KIR3DL3: variants seen among roughly 807,000 people sequenced by gnomAD.
KIR3DL3 encodes the protein killer cell immunoglobulin-like receptor 3DL3.
In KIR3DL3, 27 loss-of-function variants were observed where a neutral mutation model predicts 34.9. The observed-to-expected ratio is 0.77, with a 90% CI of 0.57 to 1.07. The LOEUF is 1.07. KIR3DL3 is among the 50% of genes least tolerant of loss of function. The probability of loss-of-function intolerance (pLI) is 0.00; values close to 1 mark genes in which losing one functional copy is unlikely to be tolerated. For missense variants in KIR3DL3, 681 were observed against 528.5 expected, an observed-to-expected ratio of 1.29 and a Z score of -2.83; for synonymous variants, 217 against 200.2, an observed-to-expected ratio of 1.08 and a Z score of -0.71.
intron 5 of KIR3DL3, among the ~76,000 whole-genome samples, chr19:54,734,212 G>T (rs376627443): frequency 6.6e-6 from 1 of 151,308 alleles, no homozygotes; most frequent in South Asian, 2.1e-4. Flanking sequence ...AAGCACATTC[G>T]CTGTGTATCA....
At chr19:54,733,579 G>C (rs996569308) in intron 5 of KIR3DL3, among the ~76,000 whole-genome samples, 1 of 151,996 alleles carries the variant, frequency 6.6e-6, no homozygotes, top group Non-Finnish European at 1.5e-5. Context: ...AAAGGCAACT[G>C]GATACCAACC....
At position 54,726,132 on chromosome 19, in the gene KIR3DL3, C is replaced by T; in HGVS notation, c.150C>T (p.Arg50=). Reference sequence around the variant, plus strand: ...GACAACATGTGACTCTTCAGTGTCGCTCTCGTCTTGGGTTTAATGAATTCA... The same window carrying T: ...GACAACATGTGACTCTTCAGTGTCGTTCTCGTCTTGGGTTTAATGAATTCA... ...SEGQHVTLQC[R]SRLGFNEFSL... is the part of the protein sequence containing the mutation. The change falls in exon 3 of 8, where the codon CGC becomes CGT. Residue 50 remains arginine, a synonymous_variant. Transcript: ENST00000291860. The T allele has an allele frequency of 1.9e-6, 3 of 1,613,356 alleles. No homozygotes were observed. The highest frequency in any genetic ancestry group is 1.1e-5 in the South Asian group (1 of 91,034).
rs1000235612 is a variant in KIR3DL3 at position 54,725,272 on chromosome 19, G to A, written c.60G>A (p.Trp20Ter). ...CVGFFLLEGP[W>*]PHVGGQDKPF... ...GGTTCTTCTTGCTGGAGGGGCCCTG[G>A]CCACATGTGGGTGAGTCCTTCCCCC... Residue 20 changes from tryptophan to a stop codon, truncating the protein, a stop_gained, in exon 2 of 8, where the codon TGG (tryptophan) becomes TGA (stop). Transcript: ENST00000291860. LOFTEE classifies it high-confidence loss of function. The A allele has an allele frequency of 3.8e-6, 6 of 1,592,362 alleles. No homozygotes were observed. In the African/African-American group the frequency reaches 4.0e-5, roughly 11 times the overall value.
At chr19:54,725,304 T>C (rs748319737) in intron 2 of KIR3DL3, 22 bp downstream of exon 2, 12 of 1,546,594 alleles carry the variant, frequency 7.8e-6, no homozygotes, top group Admixed American at 1.9e-5. Flanking sequence ...CCCCAAACCT[T>C]AGGTTGTCAT....
At chr19:54,724,829 G>T (rs1277397622) in intron 1 of KIR3DL3, among the ~76,000 whole-genome samples, 3 of 147,594 alleles carry the variant, frequency 2.0e-5, no homozygotes, top group African/African-American at 7.5e-5. Context: ...TTGAGATACG[G>T]GCCTGGAGGT....
At chr19:54,726,030 G>T in intron 2 of KIR3DL3, 23 bp from the exon 3 acceptor site, 2 of 1,553,816 alleles carry the variant, frequency 1.3e-6, no homozygotes, top group Non-Finnish European at 1.8e-6. Context: ...TCCTCTCTAA[G>T]GTGGTGCCTC....
chr19:54,734,355 A>G (rs1490756235), intron 5 of KIR3DL3, among the ~76,000 whole-genome samples: 1 of 151,204 alleles, frequency 6.6e-6, no homozygotes, highest in African/African-American at 2.4e-5. Flanking sequence ...AGGCAGGTTC[A>G]TTACTAACAG....
At chr19:54,734,375 G>A (rs1366105576) in intron 5 of KIR3DL3, among the ~76,000 whole-genome samples, 1 of 150,494 alleles carries the variant, frequency 6.6e-6, no homozygotes, top group African/African-American at 2.5e-5. Context: ...GATAAGCAGC[G>A]AGTGACAACA....
In KIR3DL3 at chr19:54,732,125, C is replaced by T. The variant is rs1273177242; in HGVS notation, c.949+2339C>T. On this transcript the variant is annotated intron_variant, in intron 5 of 7. Transcript: ENST00000291860. ...ATGCATTTGGCCTCTGCTCTTGGGA[C>T]GCTGATATTGCAGATGGGTAAATGC... Among the ~76,000 whole-genome samples the T allele has an allele frequency of 2.2e-4, 34 of 152,190 alleles. No individual in the cohort carries two copies. In the Middle Eastern group the frequency reaches 0.014, roughly 61 times the overall value.
In KIR3DL3 at chr19:54,725,291, T is replaced by G. The variant is rs565431320; in HGVS notation, c.70+9T>G. The G allele has an allele frequency of 3.4e-4, 534 of 1,573,578 alleles. No individual in the cohort carries two copies. In the African/African-American group the frequency reaches 6.6e-3, roughly 19 times the overall value. On this transcript the variant is annotated intron_variant, in intron 2 of 7. Coordinates refer to ENST00000291860, the MANE Select transcript of KIR3DL3 (RefSeq NM_153443.5). The stretch of plus-strand genomic sequence containing the variant: ...GCCCTGGCCACATGTGGGTGAGTCC[T>G]TCCCCCAAACCTTAGGTTGTCATCT...
intron 5 of KIR3DL3, among the ~76,000 whole-genome samples, chr19:54,734,729 T>C (rs1469686452): frequency 2.0e-5 from 3 of 147,132 alleles, no homozygotes; most frequent in African/African-American, 7.7e-5. Flanking sequence ...ACTGGAAGCA[T>C]GGCACCAGCA....
chr19:54,734,487 A>G (rs2069211395), intron 5 of KIR3DL3, among the ~76,000 whole-genome samples: 1 of 151,920 alleles, frequency 6.6e-6, no homozygotes, highest in Admixed American at 6.6e-5. Flanking sequence ...GAAATCAAAA[A>G]GCAGCCCAGC....
At chr19:54,735,194 C>G in intron 5 of KIR3DL3, 59 bp from the exon 6 acceptor site, 1 of 1,257,590 alleles carries the variant, frequency 8.0e-7, no homozygotes, top group Non-Finnish European at 1.2e-6. Context: ...AAATGTGAGA[C>G]AATTCATATA....
At chr19:54,727,380 C>T (rs1427374032) in intron 3 of KIR3DL3, among the ~76,000 whole-genome samples, 3 of 132,254 alleles carry the variant, frequency 2.3e-5, no homozygotes, top group Non-Finnish European at 3.2e-5. Context: ...TAAGAGGTGA[C>T]ACTGAGCACA....
intron 5 of KIR3DL3, among the ~76,000 whole-genome samples, chr19:54,731,141 G>A (rs1321691574): frequency 1.3e-5 from 2 of 151,530 alleles, no homozygotes; most frequent in Non-Finnish European, 1.5e-5. Flanking sequence ...CAAGTAGCTG[G>A]GTTACTGGCT....
Position 54,736,127 on chromosome 19 carries a change from C to T in KIR3DL3, c.*31C>T, listed in dbSNP as rs2069574521. 10 of 1,609,744 alleles carry T rather than the reference C, an allele frequency of 6.2e-6. No individual in the cohort carries two copies. Among genetic ancestry groups the T allele is most frequent in the Non-Finnish European group, 8.5e-6 (10 of 1,178,914 alleles). On this transcript the variant is annotated 3_prime_UTR_variant, in exon 8 of 8. Transcript: ENST00000291860. ...AACTTCCAAATGCTGAGCGCAGATC[C>T]AAAGTTGTCTTCTGTCCACTAGCAC...
rs2069569220 is a variant in KIR3DL3, at chr19:54,736,106, TC to T, written c.*12del. ...AGATACCAGCGTGTAACACGGAACTTCCAAATGCTGAGCGCAGATCCAAAGT... is the reference window on the plus strand; with the variant it reads ...AGATACCAGCGTGTAACACGGAACTTCAAATGCTGAGCGCAGATCCAAAGT... On this transcript the variant is annotated 3_prime_UTR_variant, in exon 8 of 8. Transcript: ENST00000291860. The T allele has an allele frequency of 6.2e-7, 1 of 1,611,894 alleles. No homozygotes were observed. The highest frequency in any genetic ancestry group is 8.5e-7 in the Non-Finnish European group (1 of 1,179,574).
Position 54,729,707 on chromosome 19 carries a change from C to T in KIR3DL3, c.870C>T (p.Asn290=). The change falls in exon 5 of 8, where the codon AAC becomes AAT. Residue 290 remains asparagine, a synonymous_variant. Transcript: ENST00000291860. ...TGGGCCCTGTGACCCACGGAGGGAA[C>T]TACAGATGCTTCGGCTCTTTCCGTG... ...FPLGPVTHGG[N]YRCFGSFRAL... 1 of 1,598,076 alleles carries T rather than the reference C, an allele frequency of 6.3e-7. No individual in the cohort carries two copies. Among genetic ancestry groups the T allele is most frequent in the Non-Finnish European group, 8.5e-7 (1 of 1,175,316 alleles).
At position 54,727,600 on chromosome 19, in the gene KIR3DL3, T is replaced by C. The variant is rs776201532; in HGVS notation, c.356-11T>C. 6.2e-7 allele frequency: 1 copy of C among 1,605,788 alleles called. No homozygotes were observed. The highest frequency in any genetic ancestry group is 2.2e-5 in the East Asian group (1 of 44,558). On this transcript the variant is annotated splice_polypyrimidine_tract_variant and intron_variant, in intron 3 of 7. Coordinates refer to ENST00000291860, the MANE Select transcript of KIR3DL3 (RefSeq NM_153443.5). ...GGAGACGCCTTCTGAACTCACAACC[T>C]CTCTTCTTAGGAGTCCACAGAAAAC...
Sources: allele counts gnomAD v4.1 joint callset (sites outside exome capture counted in the v4.1 genomes callset), GRCh38; gene constraint gnomAD v4.1.1; transcripts MANE v1.5; gene names NCBI Gene and HGNC (gene_info 2026-07-23, HGNC 2026-07-21).